GTF2IRD2B: variants seen among roughly 807,000 people sequenced by gnomAD.
The protein encoded by GTF2IRD2B is general transcription factor II-I repeat domain-containing protein 2B.
GTF2IRD2B carries 10 observed loss-of-function variants against 55.6 expected under a neutral mutation model. The ratio of observed to expected loss-of-function variants is 0.18; its 90% CI spans 0.11 to 0.31. GTF2IRD2B has a LOEUF of 0.31. Among genes scored for constraint, GTF2IRD2B ranks in the 10% least tolerant of loss-of-function variants. The probability of loss-of-function intolerance (pLI) is 1.00; values close to 1 mark genes in which losing one functional copy is unlikely to be tolerated. For missense variants in GTF2IRD2B, 206 were observed against 802.7 expected (o/e 0.26, Z 8.98); for synonymous variants, 107 against 320.5 (o/e 0.33, Z 7.12).
At chr7:75,096,753 G>T (rs1807392779) in intron 1 of GTF2IRD2B, among the ~76,000 whole-genome samples, 1 of 150,948 alleles carries the variant, frequency 6.6e-6, no homozygotes, top group Non-Finnish European at 1.5e-5. Context: ...CATCGCAGGT[G>T]ATCATTACAT....
chr7:75,129,764 AAAAG>A (rs1808606359), intron 8 of GTF2IRD2B, among the ~76,000 whole-genome samples: 2 of 151,448 alleles, frequency 1.3e-5, no homozygotes, highest in Admixed American at 1.3e-4. Flanking sequence ...AGAAAAGAAA[AAAAG>A]AAAAAAGAAA....
intron 9 of GTF2IRD2B, among the ~76,000 whole-genome samples, chr7:75,134,430 G>A (rs1808768292): frequency 7.1e-6 from 1 of 140,152 alleles, no homozygotes; most frequent in South Asian, 2.1e-4. Context: ...ACCTAAGTCT[G>A]ATCCAGCCTT....
chr7:75,102,296 C>T (rs1426863884), intron 1 of GTF2IRD2B, among the ~76,000 whole-genome samples: 3 of 150,676 alleles, frequency 2.0e-5, no homozygotes, highest in Admixed American at 6.6e-5. Context: ...CCACTGTGCC[C>T]GGCCATCACA....
intron 3 of GTF2IRD2B, among the ~76,000 whole-genome samples, chr7:75,115,374 C>T (rs1808107517): frequency 6.6e-6 from 1 of 150,658 alleles, no homozygotes; most frequent in Admixed American, 6.7e-5. Context: ...TGCTCTTCTT[C>T]AAGATTATTT....
chr7:75,096,618 G>T (rs1167576710), intron 1 of GTF2IRD2B, among the ~76,000 whole-genome samples: 12 of 121,436 alleles, frequency 9.9e-5, no homozygotes, highest in Non-Finnish European at 1.5e-4. Context: ...TAGAGACAGG[G>T]TTTCACCATG....
intron 2 of GTF2IRD2B, among the ~76,000 whole-genome samples, chr7:75,110,620 T>TA (rs1294778756): frequency 5.8e-5 from 3 of 51,542 alleles, no homozygotes; most frequent in Non-Finnish European, 6.5e-5. Context: ...CCCTGACTCT[T>TA]AAAAAAAAAA....
In GTF2IRD2B at chr7:75,113,598, TCCAGTCTGGA is replaced by T. The variant is rs1808036058; in HGVS notation, c.238+1067_238+1076del. ...GTGAGCCGTGATCACACCACTGCACTCCAGTCTGGACCATAGAGCGAGACCCGGTCTCAAG... is the reference window on the plus strand; with the variant it reads ...GTGAGCCGTGATCACACCACTGCACTCCATAGAGCGAGACCCGGTCTCAAG... On this transcript the variant is annotated intron_variant, in intron 3 of 15. Coordinates refer to ENST00000472837, the MANE Select transcript of GTF2IRD2B (RefSeq NM_001003795.3). Among the ~76,000 whole-genome samples the T allele has an allele frequency of 3.4e-5, 5 of 146,694 alleles. No homozygotes were observed. In the South Asian group the frequency reaches 1.1e-3, roughly 32 times the overall value.
At chr7:75,092,793 C>CCGCCGA (rs1193121558) in intron 1 of GTF2IRD2B, 28 bp downstream of exon 1, 1 of 153,726 alleles carries the variant, frequency 6.5e-6, no homozygotes, top group Non-Finnish European at 1.5e-5. Flanking sequence ...GCCGCCGACG[C>CCGCCGA]CGCCGACGCC....
chr7:75,113,774 G>A (rs1808042299), intron 3 of GTF2IRD2B, among the ~76,000 whole-genome samples: 1 of 113,922 alleles, frequency 8.8e-6, no homozygotes, highest in South Asian at 3.1e-4. Flanking sequence ...TCGTCAGAGG[G>A]TATAAGGGTG....
At chr7:75,132,553 T>C (rs1447888496) in intron 8 of GTF2IRD2B, among the ~76,000 whole-genome samples, 19 of 96,982 alleles carry the variant, frequency 2.0e-4, no homozygotes, top group Non-Finnish European at 2.6e-4. Flanking sequence ...TCCTTCTTTT[T>C]TTTTTTTTTT....
chr7:75,100,055 G>A (rs587681555), intron 1 of GTF2IRD2B, among the ~76,000 whole-genome samples: 21 of 106,004 alleles, frequency 2.0e-4, no homozygotes, highest in African/African-American at 5.2e-4. Context: ...AGGATATTAA[G>A]ACCATCCTGG....
At position 75,149,690 on chromosome 7, in the gene GTF2IRD2B, T is replaced by C. The variant is rs1809270787; in HGVS notation, c.*393T>C. 1 of 195,914 alleles carries C rather than the reference T, an allele frequency of 5.1e-6. No homozygotes were observed. The highest frequency in any genetic ancestry group is 2.9e-5 in the African/African-American group (1 of 34,856). The allele number at this position is 195,914 out of a possible 1,614,324, so 12.1% of individuals were successfully genotyped here. Reference sequence around the variant, plus strand: ...ACTGTGCCCAGCTGACAAAATGAGTTCTTAAACTTTTTTTTTTTTTCAGTT... The same window carrying C: ...ACTGTGCCCAGCTGACAAAATGAGTCCTTAAACTTTTTTTTTTTTTCAGTT... On this transcript the variant is annotated 3_prime_UTR_variant, in exon 16 of 16. Transcript: ENST00000472837.
At chr7:75,101,305 C>T (rs1414575621) in intron 1 of GTF2IRD2B, among the ~76,000 whole-genome samples, 2 of 151,010 alleles carry the variant, frequency 1.3e-5, no homozygotes, top group African/African-American at 2.4e-5. Flanking sequence ...CACGGAGGCT[C>T]ATGCCTGTAA....
chr7:75,096,759 T>C (rs1451959503), intron 1 of GTF2IRD2B, among the ~76,000 whole-genome samples: 1 of 150,814 alleles, frequency 6.6e-6, no homozygotes, highest in Non-Finnish European at 1.5e-5. Context: ...AGGTGATCAT[T>C]ACATTTTTGT....
At position 75,149,293 on chromosome 7, in the gene GTF2IRD2B, C is replaced by T. The variant is rs781855115; in HGVS notation, c.2846C>T (p.Thr949Met). ...SQWDSVLHIAT is the reference protein window; with the variant it reads ...SQWDSVLHIAM ...TGGGATTCTGTACTCCACATCGCAA[C>T]GTGATGGAGAGAAAACTCCTGGCAG... Residue 949 changes from threonine (T) to methionine (M), a missense_variant, in exon 16 of 16, where the codon ACG (threonine) becomes ATG (methionine). By Grantham distance (81) the Thr-to-Met change is moderately conservative (BLOSUM62 -1). Coordinates refer to ENST00000472837, the MANE Select transcript of GTF2IRD2B (RefSeq NM_001003795.3). 3.0e-5 allele frequency: 23 copies of T among 756,276 alleles called. 1 individual carries two copies. The Middle Eastern group carries it at 1.1e-3, about 36-fold the overall frequency. The allele number at this position is 756,276 out of a possible 1,614,324, so 46.8% of individuals were successfully genotyped here. A position where few individuals can be genotyped will look rare whatever the true frequency, so the allele number is the denominator to read the frequency against.
At chr7:75,123,765 C>T (rs1554536123) in intron 6 of GTF2IRD2B, 1 of 540,544 alleles carries the variant, frequency 1.8e-6, no homozygotes, top group Non-Finnish European at 3.4e-6. Context: ...GTAGTCCCAG[C>T]TACTCGGGAG....
chr7:75,123,795 G>A (rs1246230703), intron 6 of GTF2IRD2B: 4 of 430,856 alleles, frequency 9.3e-6, no homozygotes, highest in East Asian at 5.1e-5. Context: ...GGAGAATGGC[G>A]TGAACCCGGG....
In GTF2IRD2B at chr7:75,119,913, G is replaced by T. The variant is rs1333745822; in HGVS notation, c.239-978G>T. Among the ~76,000 whole-genome samples, 7 of 122,706 alleles carry T rather than the reference G, an allele frequency of 5.7e-5. 3 individuals carry two copies. Among genetic ancestry groups the T allele is most frequent in the African/African-American group, 2.7e-4 (7 of 26,362 alleles). 80.5% of individuals were successfully genotyped at this position (122,706 alleles called of 152,430 possible). On this transcript the variant is annotated intron_variant, in intron 3 of 15. Coordinates refer to ENST00000472837, the MANE Select transcript of GTF2IRD2B (RefSeq NM_001003795.3). ...GGAGGCCGAGGCAGGCGGATCACGAGGTCAGGAGATCGAGACCATTCTGGC... is the reference window on the plus strand; with the variant it reads ...GGAGGCCGAGGCAGGCGGATCACGATGTCAGGAGATCGAGACCATTCTGGC...
chr7:75,113,668 A>T (rs1420464753), intron 3 of GTF2IRD2B, among the ~76,000 whole-genome samples: 1 of 150,716 alleles, frequency 6.6e-6, no homozygotes, highest in Non-Finnish European at 1.5e-5. Flanking sequence ...TACACCTTTT[A>T]TGGTGGTAAT....
Sources: allele counts gnomAD v4.1 joint callset (sites outside exome capture counted in the v4.1 genomes callset), GRCh38; gene constraint gnomAD v4.1.1; transcripts MANE v1.5; gene names NCBI Gene and HGNC (gene_info 2026-07-23, HGNC 2026-07-21).